Variants in TWIST2 observed in about 807,000 individuals in gnomAD.
TWIST2 encodes the protein twist-related protein 2.
A neutral mutation model predicts 11.6 loss-of-function variants in TWIST2; 1 was observed. The observed-to-expected ratio is 0.09, with a 90% CI of 0.03 to 0.41. The LOEUF (loss-of-function observed/expected upper bound fraction) is 0.41, where lower values mean the gene tolerates loss of function less well. Among genes scored for constraint, TWIST2 ranks in the 10% least tolerant of loss-of-function variants. The pLI is 0.98. For missense variants in TWIST2, 168 were observed against 226.4 expected, an observed-to-expected ratio of 0.74 and a Z score of 1.66; for synonymous variants, 87 against 96.6, an observed-to-expected ratio of 0.90 and a Z score of 0.58.
intron 1 of TWIST2, among the ~76,000 whole-genome samples, chr2:238,869,147 C>G (rs143621840): frequency 6.6e-6 from 1 of 152,304 alleles, no homozygotes; most frequent in Non-Finnish European, 1.5e-5. Context: ...CCGAAGCGAG[C>G]AACGTGGACT....
intron 1 of TWIST2, among the ~76,000 whole-genome samples, chr2:238,907,843 C>CA (rs1438846605): frequency 0.013 from 40 of 3,070 alleles, no homozygotes; most frequent in Non-Finnish European, 0.021. Flanking sequence ...TACACACACA[C>CA]CCCCACACTG....
Position 238,863,576 on chromosome 2 carries a change from A to G in TWIST2, c.*35+14843A>G, listed in dbSNP as rs1692473402. 6.6e-6 allele frequency among the ~76,000 whole-genome samples: 1 copy of G among 152,052 alleles called. No individual in the cohort carries two copies. Among genetic ancestry groups the G allele is most frequent in the African/African-American group, 2.4e-5 (1 of 41,382 alleles). ...TCATCCTCACACTGTTAGTGTTAGC[A>G]TCCTCATTTCTTCTGCCTTTTTTTC... On this transcript the variant is annotated intron_variant, in intron 1 of 1. Coordinates refer to ENST00000612363, the MANE Select transcript of TWIST2 (RefSeq NM_001271893.4). The surrounding 1 kb of genome is among the most constrained non-coding windows in gnomAD (Gnocchi z 4.7).
intron 1 of TWIST2, among the ~76,000 whole-genome samples, chr2:238,894,162 A>C (rs1050086357): frequency 2.4e-4 from 36 of 152,300 alleles, no homozygotes; most frequent in Admixed American, 2.1e-3. Context: ...GGGAGAATAA[A>C]GTTGGCCTCA....
intron 1 of TWIST2, among the ~76,000 whole-genome samples, chr2:238,880,140 A>T (rs1236327886): frequency 6.6e-6 from 1 of 151,646 alleles, no homozygotes; most frequent in Non-Finnish European, 1.5e-5. Context: ...TTAGTGTGTT[A>T]GTGTTAGTGT....
chr2:238,897,587 C>T (rs892835437), intron 1 of TWIST2, among the ~76,000 whole-genome samples: 2,221 of 152,330 alleles, frequency 0.015, 24 homozygotes, highest in African/African-American at 0.026. Context: ...GCTCAGCCTC[C>T]GAGGTCCCCT....
chr2:238,869,264 G>A (rs746738333), intron 1 of TWIST2, among the ~76,000 whole-genome samples: 11 of 152,204 alleles, frequency 7.2e-5, no homozygotes, highest in South Asian at 2.1e-4. Context: ...TTACTGCCAC[G>A]GAGATGGAAT....
At chr2:238,874,034 G>A (rs1160259837) in intron 1 of TWIST2, among the ~76,000 whole-genome samples, 1 of 152,178 alleles carries the variant, frequency 6.6e-6, no homozygotes, top group Non-Finnish European at 1.5e-5. Flanking sequence ...ATGCGTTAGA[G>A]GAGTTAGCAG....
chr2:238,898,387 AGGCT>A (rs1693230464), intron 1 of TWIST2, among the ~76,000 whole-genome samples: 1 of 152,234 alleles, frequency 6.6e-6, no homozygotes, highest in Admixed American at 6.5e-5. Context: ...GTTGACTCTG[AGGCT>A]CCGAGGCCTG....
chr2:238,872,882 C>T (rs138551487), intron 1 of TWIST2, among the ~76,000 whole-genome samples: 37 of 152,318 alleles, frequency 2.4e-4, no homozygotes, highest in African/African-American at 7.9e-4. Flanking sequence ...CAGGGTCCTT[C>T]GTGTTGCCCT....
chr2:238,883,260 G>A (rs960864518), intron 1 of TWIST2, among the ~76,000 whole-genome samples: 6 of 152,150 alleles, frequency 3.9e-5, no homozygotes, highest in Non-Finnish European at 8.8e-5. Context: ...CACCCCTCGT[G>A]GACTGTTTAT....
At chr2:238,906,771 G>A (rs961664611) in intron 1 of TWIST2, among the ~76,000 whole-genome samples, 14 of 152,192 alleles carry the variant, frequency 9.2e-5, no homozygotes, top group South Asian at 2.1e-4. Context: ...GAATCCTCAC[G>A]GTGACCCCTC....
intron 1 of TWIST2, among the ~76,000 whole-genome samples, chr2:238,889,571 G>A (rs917828675): frequency 1.3e-5 from 2 of 152,254 alleles, no homozygotes; most frequent in African/African-American, 4.8e-5. Flanking sequence ...CTCACTTTGC[G>A]CATGATAGAT....
chr2:238,896,228 G>A (rs1693205952), intron 1 of TWIST2, among the ~76,000 whole-genome samples: 2 of 152,280 alleles, frequency 1.3e-5, no homozygotes, highest in African/African-American at 2.4e-5. Flanking sequence ...AGACCCTGAC[G>A]GCGAACGCCC....
chr2:238,869,974 G>A (rs1258134783), intron 1 of TWIST2, among the ~76,000 whole-genome samples: 1 of 151,896 alleles, frequency 6.6e-6, no homozygotes, highest in African/African-American at 2.4e-5. Flanking sequence ...AAATGTTGGT[G>A]AGGATGTGGA....
chr2:238,855,538 T>C (rs796996510), intron 1 of TWIST2, among the ~76,000 whole-genome samples: 2 of 152,328 alleles, frequency 1.3e-5, no homozygotes, highest in African/African-American at 4.8e-5. Context: ...AAAGATGTGA[T>C]CATTTCGCAT....
At chr2:238,902,648 GGTGTGTGTGTGAT>G (rs1693284285) in intron 1 of TWIST2, among the ~76,000 whole-genome samples, 1 of 144,674 alleles carries the variant, frequency 6.9e-6, no homozygotes, top group Non-Finnish European at 1.5e-5. Context: ...GGTGTGTGAT[GGTGTGTGTGTGAT>G]GTGTGTGTGA....
At chr2:238,887,328 G>C (rs1365631185) in intron 1 of TWIST2, 2 of 152,022 alleles carry the variant, frequency 1.3e-5, no homozygotes, top group Non-Finnish European at 2.9e-5. Flanking sequence ...GCTTTTTCAT[G>C]GGCTCATTCA....
intron 1 of TWIST2, among the ~76,000 whole-genome samples, chr2:238,856,771 G>C (rs1170731511): frequency 6.6e-6 from 1 of 152,098 alleles, no homozygotes; most frequent in Non-Finnish European, 1.5e-5. Context: ...GAAGACAGCA[G>C]TTTCTCAGAA....
At chr2:238,888,519 C>T (rs1693079372) in intron 1 of TWIST2, among the ~76,000 whole-genome samples, 4 of 152,206 alleles carry the variant, frequency 2.6e-5, no homozygotes, top group Admixed American at 6.5e-5. Context: ...TCGACTTTGA[C>T]ACCACTCTGT....
Sources: allele counts gnomAD v4.1 joint callset (sites outside exome capture counted in the v4.1 genomes callset), GRCh38; gene constraint gnomAD v4.1.1; non-coding constraint Gnocchi (gnomAD v3.1); transcripts MANE v1.5; gene names NCBI Gene and HGNC (gene_info 2026-07-23, HGNC 2026-07-21).